The following SLC37A1 variants were observed in gnomAD, a reference collection of about 807,000 sequenced individuals.
SLC37A1 encodes glucose-6-phosphate exchanger SLC37A1.
In SLC37A1, 49 loss-of-function variants were observed where a neutral mutation model predicts 75.3. That is an observed-to-expected ratio of 0.65 (90% CI 0.52 to 0.83). The LOEUF is 0.83. Among genes scored for constraint, SLC37A1 ranks in the 40% least tolerant of loss-of-function variants. The pLI is 0.00. For synonymous variants in SLC37A1, 268 were observed against 292.1 expected (o/e 0.92, Z 0.84); for missense variants, 566 against 695.0 (o/e 0.81, Z 2.09).
chr21:42,547,310 G>A lies in SLC37A1; in HGVS notation c.768+170G>A, dbSNP rs1357057840. 13 of 703,346 alleles carry A rather than the reference G, an allele frequency of 1.8e-5. No individual in the cohort carries two copies. Among genetic ancestry groups the A allele is most frequent in the African/African-American group, 1.3e-4 (7 of 55,982 alleles). The allele number at this position is 703,346 out of a possible 1,614,324, so 43.6% of individuals were successfully genotyped here. On this transcript the variant is annotated intron_variant, in intron 9 of 19. Transcript: ENST00000352133. The surrounding 1 kb of genome is among the most constrained non-coding windows in gnomAD (Gnocchi z 6.1). Reference sequence around the variant, plus strand: ...TAGAGAATATTCTGTTTTGGGTTTCGCTGATAATAACCTTATCAGCAAAAC... The same window carrying A: ...TAGAGAATATTCTGTTTTGGGTTTCACTGATAATAACCTTATCAGCAAAAC...
At position 42,545,700 on chromosome 21, in the gene SLC37A1, G is replaced by A. The variant is rs905304567; in HGVS notation, c.731-1403G>A. 6.6e-6 allele frequency among the ~76,000 whole-genome samples: 1 copy of A among 152,220 alleles called. No homozygotes were observed. Among genetic ancestry groups the A allele is most frequent in the Non-Finnish European group, 1.5e-5 (1 of 68,028 alleles). ...AGGGGAAGCCCCTGGCTTACCCCTG[G>A]GGGCATCACACTGTGAGTGGATACC... On this transcript the variant is annotated intron_variant, in intron 8 of 19. Transcript: ENST00000352133. This position sits in a 1 kb window ranked among gnomAD's most constrained non-coding sequence, Gnocchi z 4.0.
At chr21:42,513,492 T>A (rs922708621), upstream of SLC37A1, among the ~76,000 whole-genome samples, 2 of 150,804 alleles carry the variant, frequency 1.3e-5, no homozygotes, top group Non-Finnish European at 3.0e-5. Flanking sequence ...CGGCGGCATG[T>A]GACCCTCGCC....
intron 3 of SLC37A1, among the ~76,000 whole-genome samples, chr21:42,527,455 A>G (rs1365319450): frequency 6.6e-6 from 1 of 152,086 alleles, no homozygotes; most frequent in African/African-American, 2.4e-5. Context: ...AGGGCTTCTG[A>G]GGAGGCGGCG....
intron 2 of SLC37A1, among the ~76,000 whole-genome samples, chr21:42,503,143 A>T (rs2054354966): frequency 6.6e-6 from 1 of 152,194 alleles, no homozygotes; most frequent in African/African-American, 2.4e-5. Context: ...CACCTTAAGG[A>T]TATACCAAAA....
chr21:42,539,107 G>A (rs2055210805), intron 5 of SLC37A1, among the ~76,000 whole-genome samples: 1 of 152,196 alleles, frequency 6.6e-6, no homozygotes, highest in Non-Finnish European at 1.5e-5. Context: ...AGGGTCATAA[G>A]TGATCTCATG....
chr21:42,529,303 C>T (rs946541121), intron 3 of SLC37A1, among the ~76,000 whole-genome samples: 3 of 152,122 alleles, frequency 2.0e-5, no homozygotes, highest in African/African-American at 7.2e-5. Context: ...GGCACTGTGG[C>T]TCACACCTGT....
At chr21:42,525,137 C>A (rs541351457) in intron 2 of SLC37A1, among the ~76,000 whole-genome samples, 1 of 152,192 alleles carries the variant, frequency 6.6e-6, no homozygotes, top group African/African-American at 2.4e-5. Flanking sequence ...ACAGCAGCTC[C>A]GAGCTCCCTG....
chr21:42,557,279 C>G (rs2055715744), intron 10 of SLC37A1, among the ~76,000 whole-genome samples: 1 of 152,372 alleles, frequency 6.6e-6, no homozygotes, highest in East Asian at 1.9e-4. Context: ...CCTGGGGCTG[C>G]CCCAGGGACT....
In SLC37A1 at chr21:42,545,816, T is replaced by G. The variant is rs1441557808; in HGVS notation, c.731-1287T>G. 1.3e-5 allele frequency among the ~76,000 whole-genome samples: 2 copies of G among 152,244 alleles called. No homozygotes were observed. The highest frequency in any genetic ancestry group is 3.8e-4 in the East Asian group (2 of 5,204). On this transcript the variant is annotated intron_variant, in intron 8 of 19. Coordinates refer to ENST00000352133, the MANE Select transcript of SLC37A1 (RefSeq NM_001320537.2). The surrounding 1 kb of genome is among the most constrained non-coding windows in gnomAD (Gnocchi z 4.0). Reference sequence around the variant, plus strand: ...TGCCCAACATGCCGACCATGTGTCCTTGGTCAGTGGCCTCGCCCTATGGGC... The same window carrying G: ...TGCCCAACATGCCGACCATGTGTCCGTGGTCAGTGGCCTCGCCCTATGGGC...
intron 17 of SLC37A1, among the ~76,000 whole-genome samples, chr21:42,570,822 T>A (rs1466640777): frequency 6.6e-6 from 1 of 152,220 alleles, no homozygotes; most frequent in Non-Finnish European, 1.5e-5. Context: ...CAGAGGCCAC[T>A]GCCCACCACT....
chr21:42,545,109 T>C lies in SLC37A1; in HGVS notation c.730+1507T>C, dbSNP rs1259155280. ...AGAGCTCAGCTCTTGTGAATAAGCCTCCCTGATCCAATTTGGGCAGATAGC... is the reference window on the plus strand; with the variant it reads ...AGAGCTCAGCTCTTGTGAATAAGCCCCCCTGATCCAATTTGGGCAGATAGC... On this transcript the variant is annotated intron_variant, in intron 8 of 19. Transcript: ENST00000352133. The surrounding 1 kb of genome is among the most constrained non-coding windows in gnomAD (Gnocchi z 4.0). Among the ~76,000 whole-genome samples, 6 of 152,176 alleles carry C rather than the reference T, an allele frequency of 3.9e-5. No homozygotes were observed. The highest frequency in any genetic ancestry group is 8.8e-5 in the Non-Finnish European group (6 of 68,034).
At chr21:42,507,262 C>CT (rs1369314222) in intron 2 of SLC37A1, among the ~76,000 whole-genome samples, 2 of 144,786 alleles carry the variant, frequency 1.4e-5, no homozygotes, top group African/African-American at 2.5e-5. Context: ...TACTAATGGT[C>CT]TTAACCATAA....
chr21:42,531,111 G>T (rs899816738), intron 3 of SLC37A1, among the ~76,000 whole-genome samples: 1 of 152,210 alleles, frequency 6.6e-6, no homozygotes, highest in Non-Finnish European at 1.5e-5. Context: ...CAGTGGGAGG[G>T]GTGGGGAGGG....
intron 6 of SLC37A1, among the ~76,000 whole-genome samples, chr21:42,541,600 C>G (rs2055284838): frequency 6.6e-6 from 1 of 152,182 alleles, no homozygotes; most frequent in South Asian, 2.1e-4. Flanking sequence ...AAGTCAAGTT[C>G]GTGTTCATTC....
intron 3 of SLC37A1, among the ~76,000 whole-genome samples, chr21:42,533,538 G>T (rs1381727007): frequency 6.6e-6 from 1 of 152,080 alleles, no homozygotes; most frequent in Non-Finnish European, 1.5e-5. Flanking sequence ...TCTTCCCAAG[G>T]AATGCCCTGA....
At chr21:42,507,578 A>T (rs1322455906) in intron 2 of SLC37A1, among the ~76,000 whole-genome samples, 2 of 152,234 alleles carry the variant, frequency 1.3e-5, no homozygotes, top group Admixed American at 1.3e-4. Context: ...GAGGCTGGGT[A>T]ATTTATAAAG....
intron 15 of SLC37A1, among the ~76,000 whole-genome samples, chr21:42,566,307 G>T (rs1054554667): frequency 2.9e-4 from 44 of 152,262 alleles, no homozygotes; most frequent in African/African-American, 1.0e-3. Flanking sequence ...GAACCTGGCG[G>T]TGTGACCTGA....
At chr21:42,561,161 A>T (rs1158743258) in intron 11 of SLC37A1, among the ~76,000 whole-genome samples, 1 of 152,222 alleles carries the variant, frequency 6.6e-6, no homozygotes, top group South Asian at 2.1e-4. Context: ...TGACTTGGCA[A>T]AGTAGAGCGC....
At chr21:42,570,254 TTC>T (rs2056118618) in intron 17 of SLC37A1, among the ~76,000 whole-genome samples, 1 of 139,442 alleles carries the variant, frequency 7.2e-6, no homozygotes, top group Non-Finnish European at 1.6e-5. Flanking sequence ...CACGGCCTGG[TTC>T]TGAGAAGCGG....
Sources: gnomAD v4.1 joint callset for allele counts (sites outside exome capture counted in the v4.1 genomes callset) on GRCh38, gnomAD v4.1.1 for gene constraint, Gnocchi (gnomAD v3.1) non-coding constraint, MANE v1.5 for transcripts, NCBI Gene and HGNC (gene_info 2026-07-23, HGNC 2026-07-21) for gene names.